The following CRACDL variants were observed in gnomAD, a reference collection of about 807,000 sequenced individuals.
CRACDL encodes the protein CRACD-like protein.
Under a neutral mutation model 70.6 loss-of-function variants are expected in CRACDL, and 26 were observed. That is an observed-to-expected ratio of 0.37 (90% CI 0.27 to 0.51). The LOEUF is 0.51. CRACDL is among the 20% of genes least tolerant of loss of function. The pLI is 0.94. For synonymous variants in CRACDL, 618 were observed against 615.2 expected (o/e 1.00, Z -0.07); for missense variants, 1,283 against 1,376.9 (o/e 0.93, Z 1.08).
intron 5 of CRACDL, 33 bp from the exon 6 acceptor site, chr2:98,827,202 T>C (rs758346966): frequency 6.6e-7 from 1 of 1,507,670 alleles, no homozygotes; most frequent in East Asian, 2.3e-5. Flanking sequence ...ACACGGAGCA[T>C]GAACTTCACC....
intron 1 of CRACDL, among the ~76,000 whole-genome samples, chr2:98,865,717 G>C (rs1573103916): frequency 6.6e-6 from 1 of 151,458 alleles, no homozygotes; most frequent in East Asian, 1.9e-4. Context: ...CTTGACAGCT[G>C]TACCCACACC....
intron 1 of CRACDL, among the ~76,000 whole-genome samples, chr2:98,928,212 A>T (rs1055658422): frequency 2.1e-4 from 32 of 152,182 alleles, no homozygotes; most frequent in Non-Finnish European, 3.5e-4. Flanking sequence ...AAAATAAAAA[A>T]AAATAAGACA....
intron 1 of CRACDL, among the ~76,000 whole-genome samples, chr2:98,883,970 G>A (rs559607552): frequency 5.0e-4 from 76 of 152,296 alleles, no homozygotes; most frequent in Middle Eastern, 6.8e-3. Context: ...TGGCTGTCCC[G>A]TCCTAACTCA....
intron 1 of CRACDL, among the ~76,000 whole-genome samples, chr2:98,862,408 T>C (rs887222277): frequency 2.0e-5 from 3 of 152,024 alleles, no homozygotes; most frequent in Non-Finnish European, 2.9e-5. Context: ...AACAGGAAAG[T>C]ATGGACCATC....
chr2:98,841,253 T>A (rs1166529341), intron 2 of CRACDL, among the ~76,000 whole-genome samples: 1 of 152,162 alleles, frequency 6.6e-6, no homozygotes, highest in African/African-American at 2.4e-5. Context: ...CTGGAACAAT[T>A]AATGTAATTA....
At chr2:98,808,564 G>C (rs1704420405) in intron 7 of CRACDL, among the ~76,000 whole-genome samples, 1 of 152,120 alleles carries the variant, frequency 6.6e-6, no homozygotes, top group African/African-American at 2.4e-5. Context: ...CCTGCCCCCA[G>C]GCTCTGGTAG....
intron 1 of CRACDL, among the ~76,000 whole-genome samples, chr2:98,889,200 AGAAG>A (rs1048035995): frequency 4.7e-5 from 7 of 150,522 alleles, no homozygotes; most frequent in Non-Finnish European, 1.0e-4. Flanking sequence ...AAGGAAGAAA[AGAAG>A]GAAGGAAGGG....
At chr2:98,807,545 G>A (rs1234016318) in intron 7 of CRACDL, among the ~76,000 whole-genome samples, 1 of 152,220 alleles carries the variant, frequency 6.6e-6, no homozygotes, top group Non-Finnish European at 1.5e-5. Flanking sequence ...GAACTGCAGT[G>A]CAGCATGACA....
chr2:98,843,498 T>C lies in CRACDL; in HGVS notation c.70+3233A>G, dbSNP rs554862956. On this transcript the variant is annotated intron_variant, in intron 2 of 9. Coordinates refer to ENST00000397899, the MANE Select transcript of CRACDL (RefSeq NM_207362.3). ...GTCATAACTATCTTCTGCTATGCTT[T>C]CTTTTAAAGGCGTTAGAGTTTTACA... Among the ~76,000 whole-genome samples, 7 of 152,362 alleles carry C rather than the reference T, an allele frequency of 4.6e-5. No homozygotes were observed. In the South Asian group the frequency reaches 1.0e-3, roughly 23 times the overall value.
intron 1 of CRACDL, among the ~76,000 whole-genome samples, chr2:98,865,569 T>C (rs936205593): frequency 5.3e-5 from 8 of 152,208 alleles, no homozygotes; most frequent in East Asian, 1.9e-4. Context: ...TGCCTGTACC[T>C]TTTTTTAGAA....
chr2:98,868,737 C>T (rs566295915), intron 1 of CRACDL, among the ~76,000 whole-genome samples: 2 of 152,310 alleles, frequency 1.3e-5, no homozygotes, highest in Admixed American at 1.3e-4. Flanking sequence ...TCAACTATGC[C>T]ATGGAGATCC....
chr2:98,831,371 G>C (rs1705535191), intron 5 of CRACDL, among the ~76,000 whole-genome samples: 1 of 152,190 alleles, frequency 6.6e-6, no homozygotes, highest in Non-Finnish European at 1.5e-5. Context: ...TGTCCACACT[G>C]AAGTGGCTTC....
rs527523869 is a variant in CRACDL at position 98,921,969 on chromosome 2, AC to A, written c.-11+13968del. Among the ~76,000 whole-genome samples, 7 of 152,366 alleles carry A rather than the reference AC, an allele frequency of 4.6e-5. No individual in the cohort carries two copies. In the South Asian group the frequency reaches 6.2e-4, roughly 14 times the overall value. On this transcript the variant is annotated intron_variant, in intron 1 of 9. Coordinates refer to ENST00000397899, the MANE Select transcript of CRACDL (RefSeq NM_207362.3). Reference sequence around the variant, plus strand: ...TATGCCCCTTGCTCCACTTAAAAAAACAATTACAAAAGCATATTTTCCGATT... The same window carrying A: ...TATGCCCCTTGCTCCACTTAAAAAAAAATTACAAAAGCATATTTTCCGATT...
At chr2:98,876,906 G>A (rs1317676370) in intron 1 of CRACDL, among the ~76,000 whole-genome samples, 3 of 152,216 alleles carry the variant, frequency 2.0e-5, no homozygotes, top group Non-Finnish European at 1.5e-5. Context: ...TGCATTGTAA[G>A]TCTACTGTCT....
rs1326159111 is a variant in CRACDL at position 98,822,504 on chromosome 2, G to A, written c.1769C>T (p.Pro590Leu). Residue 590 changes from proline (P) to leucine (L), a missense_variant, in exon 7 of 10, where the codon CCG becomes CTG. By Grantham distance (98) the Pro-to-Leu change is moderately conservative. This residue lies in a region of CRACDL where 921 missense variants were observed against 881.9 expected (regional missense o/e 1.04). Coordinates refer to ENST00000397899, the MANE Select transcript of CRACDL (RefSeq NM_207362.3). This position sits in a 1 kb window ranked among gnomAD's most constrained non-coding sequence, Gnocchi z 4.9. ...RARPRPGVSR[P>L]LERASGRLPL... ...CAGGCGGCCGCTGGCCCGTTCCAGC[G>A]GGCGGGAGACGCCCGGACGAGGCCG... The A allele has an allele frequency of 6.9e-7, 1 of 1,457,174 alleles. No individual in the cohort carries two copies. Among genetic ancestry groups the A allele is most frequent in the Non-Finnish European group, 9.0e-7 (1 of 1,113,912 alleles). The allele number at this position is 1,457,174 out of a possible 1,614,324, so 90.3% of individuals were successfully genotyped here. A position where few individuals can be genotyped will look rare whatever the true frequency, so the allele number is the denominator to read the frequency against.
chr2:98,809,131 C>T (rs766621555), intron 7 of CRACDL, among the ~76,000 whole-genome samples: 20 of 152,040 alleles, frequency 1.3e-4, no homozygotes, highest in African/African-American at 2.2e-4. Context: ...AGCCTCTGGG[C>T]GAAGTGAGGC....
rs1302260940 is a variant in CRACDL at position 98,823,220 on chromosome 2, G to A, written c.1053C>T (p.Arg351=). 1.4e-6 allele frequency: 2 copies of A among 1,418,928 alleles called. No individual in the cohort carries two copies. Among genetic ancestry groups the A allele is most frequent in the South Asian group, 2.9e-5 (2 of 67,824 alleles). The allele number at this position is 1,418,928 out of a possible 1,614,324, so 87.9% of individuals were successfully genotyped here. ...CCTCCGGCGGGGACGGGGGCTCCAC[G>A]CGGAGAGTGGGGGCCGACTCGGGCT... ...LAEPESAPTL[R]VEPPSPPEGP... The change falls in exon 7 of 10, where the codon CGC becomes CGT. Residue 351 remains arginine, a synonymous_variant. Transcript: ENST00000397899. The surrounding 1 kb of genome is among the most constrained non-coding windows in gnomAD (Gnocchi z 4.0).
chr2:98,854,169 T>C (rs915867197), intron 1 of CRACDL, among the ~76,000 whole-genome samples: 1 of 148,938 alleles, frequency 6.7e-6, no homozygotes, highest in Non-Finnish European at 1.5e-5. Context: ...GTAGTCCCAG[T>C]ATTCGGGAGG....
At chr2:98,903,472 A>G (rs573882334) in intron 1 of CRACDL, among the ~76,000 whole-genome samples, 3 of 152,318 alleles carry the variant, frequency 2.0e-5, no homozygotes, top group East Asian at 3.9e-4. Flanking sequence ...TAAGAAAAAA[A>G]TAAAGGAGTC....
Sources: gnomAD v4.1 joint callset for allele counts (sites outside exome capture counted in the v4.1 genomes callset) on GRCh38, gnomAD v4.1.1 for gene constraint, gnomAD v4.1.1 regional missense constraint, Gnocchi (gnomAD v3.1) non-coding constraint, MANE v1.5 for transcripts, NCBI Gene and HGNC (gene_info 2026-07-23, HGNC 2026-07-21) for gene names.